Variants in SESN1 observed in about 807,000 individuals in gnomAD.
SESN1 encodes sestrin 1, also known as sestrin-1.
Under a neutral mutation model 59.3 loss-of-function variants are expected in SESN1, and 30 were observed. The observed-to-expected ratio is 0.51, with a 90% confidence interval of 0.38 to 0.69. The LOEUF is 0.69. Ranked by LOEUF, SESN1 falls within the 30% of genes least tolerant of loss-of-function variation. The pLI, the probability that SESN1 is intolerant of heterozygous loss-of-function variation, is 0.00. For synonymous variants in SESN1, 197 were observed against 219.9 expected (o/e 0.90, Z 0.92); for missense variants, 566 against 673.0 (o/e 0.84, Z 1.76).
chr6:109,026,468 G>A (rs981395641), intron 1 of SESN1, among the ~76,000 whole-genome samples: 10 of 152,130 alleles, frequency 6.6e-5, no homozygotes, highest in Non-Finnish European at 1.3e-4. Flanking sequence ...TTGGCTTGGA[G>A]TGGAATGGCT....
At chr6:109,034,183 A>G (rs1780221966) in intron 1 of SESN1, among the ~76,000 whole-genome samples, 1 of 152,182 alleles carries the variant, frequency 6.6e-6, no homozygotes, top group Non-Finnish European at 1.5e-5. Flanking sequence ...ATTACTTAGC[A>G]CAGCATTTTT....
intron 1 of SESN1, among the ~76,000 whole-genome samples, chr6:109,024,952 G>GCC (rs1780067345): frequency 6.6e-6 from 1 of 152,188 alleles, no homozygotes; most frequent in African/African-American, 2.4e-5. Context: ...CAAAGTAACA[G>GCC]AAATCCTCAG....
intron 1 of SESN1, among the ~76,000 whole-genome samples, chr6:109,066,675 C>CA (rs1367214564): frequency 1.2e-4 from 18 of 152,060 alleles, no homozygotes; most frequent in African/African-American, 3.4e-4. Flanking sequence ...GAAGATAACT[C>CA]AAATGGTGGA....
intron 1 of SESN1, among the ~76,000 whole-genome samples, chr6:109,002,720 G>A (rs543113034): frequency 2.6e-5 from 4 of 152,216 alleles, no homozygotes; most frequent in African/African-American, 7.2e-5. Context: ...CCTGTGCATC[G>A]TCAGAAAATG....
intron 1 of SESN1, among the ~76,000 whole-genome samples, chr6:109,046,702 C>A (rs1477074988): frequency 7.4e-6 from 1 of 135,510 alleles, no homozygotes; most frequent in Non-Finnish European, 1.6e-5. Flanking sequence ...GGCCGCCCAT[C>A]GTCTGAGATG....
intron 1 of SESN1, among the ~76,000 whole-genome samples, chr6:109,070,889 G>A (rs887433086): frequency 4.6e-5 from 7 of 152,178 alleles, no homozygotes; most frequent in African/African-American, 1.7e-4. Context: ...TACTGATGCT[G>A]CTGACCCATA....
chr6:108,992,485 GTTA>G (rs1239846411), intron 7 of SESN1, among the ~76,000 whole-genome samples: 1 of 152,066 alleles, frequency 6.6e-6, no homozygotes, highest in African/African-American at 2.4e-5. Context: ...TGGTAAAATA[GTTA>G]TTATTTAACA....
At chr6:109,083,989 T>G (rs1781167358) in intron 1 of SESN1, among the ~76,000 whole-genome samples, 1 of 152,186 alleles carries the variant, frequency 6.6e-6, no homozygotes, top group East Asian at 1.9e-4. Context: ...AAACAGTAAA[T>G]GCTCACTTTT....
chr6:109,028,774 G>T (rs1473006112), intron 1 of SESN1, among the ~76,000 whole-genome samples: 3 of 152,126 alleles, frequency 2.0e-5, no homozygotes, highest in Admixed American at 2.0e-4. Flanking sequence ...CAAAGACTGG[G>T]TCACGAAAGC....
At chr6:109,036,424 A>C (rs1183607199) in intron 1 of SESN1, among the ~76,000 whole-genome samples, 1 of 152,330 alleles carries the variant, frequency 6.6e-6, no homozygotes, top group Admixed American at 6.5e-5. Context: ...TTTGCCTAAT[A>C]AAAGATGGCA....
rs1259169825 is a variant in SESN1 at position 109,083,549 on chromosome 6, ATAC to A, written c.279+10243_279+10245del. 3.9e-5 allele frequency among the ~76,000 whole-genome samples: 6 copies of A among 152,222 alleles called. No individual in the cohort carries two copies. The East Asian group carries it at 1.2e-3, about 29-fold the overall frequency. On this transcript the variant is annotated intron_variant, in intron 1 of 9. Transcript: ENST00000436639. ...TGTCTCAACAAAATTTCAATTTTTCATACTCAGAATGACTGTCATCAACAAAGG... is the reference window on the plus strand; with the variant it reads ...TGTCTCAACAAAATTTCAATTTTTCATCAGAATGACTGTCATCAACAAAGG...
In SESN1 at chr6:109,083,018, GTAT is replaced by G. The variant is rs143338722; in HGVS notation, c.279+10774_279+10776del. The stretch of plus-strand genomic sequence containing the variant: ...ATAATTCTCAAACCCACTGTATGAA[GTAT>G]TATTATTATTTTACAGATAAGTAAA... On this transcript the variant is annotated intron_variant, in intron 1 of 9. Transcript: ENST00000436639. Among the ~76,000 whole-genome samples, 1,195 of 152,186 alleles carry G rather than the reference GTAT, an allele frequency of 7.9e-3. 21 individuals carry two copies. The highest frequency in any genetic ancestry group is 0.028 in the African/African-American group (1,146 of 41,498).
At chr6:108,996,788 A>G (rs1217540637) in intron 5 of SESN1, among the ~76,000 whole-genome samples, 2 of 152,270 alleles carry the variant, frequency 1.3e-5, no homozygotes, top group South Asian at 4.1e-4. Flanking sequence ...GAAGCAACCA[A>G]TGTGTTCTTC....
chr6:109,044,314 A>C (rs1463388320), intron 1 of SESN1, among the ~76,000 whole-genome samples: 1 of 77,672 alleles, frequency 1.3e-5, no homozygotes, highest in African/African-American at 6.0e-5. Flanking sequence ...CTTGCCTCAA[A>C]AAAAAAAAAA....
chr6:108,994,926 G>C (rs1032097962), intron 5 of SESN1, among the ~76,000 whole-genome samples: 3 of 151,924 alleles, frequency 2.0e-5, no homozygotes, highest in Non-Finnish European at 2.9e-5. Context: ...GAATGGTCTC[G>C]ATCTCCTGAC....
At chr6:109,074,686 A>G (rs1781001261) in intron 1 of SESN1, among the ~76,000 whole-genome samples, 1 of 152,194 alleles carries the variant, frequency 6.6e-6, no homozygotes, top group African/African-American at 2.4e-5. Flanking sequence ...TTAATATTTA[A>G]TCTCACTCCT....
intron 1 of SESN1, among the ~76,000 whole-genome samples, chr6:109,080,870 C>T (rs539292501): frequency 6.6e-6 from 1 of 152,260 alleles, no homozygotes; most frequent in East Asian, 1.9e-4. Flanking sequence ...AAAAATTCCA[C>T]ACACAAGTAC....
intron 1 of SESN1, among the ~76,000 whole-genome samples, chr6:109,048,081 G>T (rs1780481612): frequency 7.1e-6 from 1 of 140,314 alleles, no homozygotes; most frequent in South Asian, 2.3e-4. Context: ...AAACACCCAA[G>T]AATTATCAAT....
At chr6:109,052,503 CAT>C (rs1780557068) in intron 1 of SESN1, among the ~76,000 whole-genome samples, 1 of 152,132 alleles carries the variant, frequency 6.6e-6, no homozygotes, top group Non-Finnish European at 1.5e-5. Flanking sequence ...TGAGATCAAA[CAT>C]TACTTAAAAT....
Sources: allele counts gnomAD v4.1 joint callset (sites outside exome capture counted in the v4.1 genomes callset), GRCh38; gene constraint gnomAD v4.1.1; transcripts MANE v1.5; gene names NCBI Gene and HGNC (gene_info 2026-07-23, HGNC 2026-07-21).